The following PLS1 variants were observed in gnomAD, a reference collection of about 807,000 sequenced individuals.
The protein encoded by PLS1 is plastin-1.
In PLS1, 32 loss-of-function variants were observed where a neutral mutation model predicts 73.7. The observed-to-expected ratio is 0.43, with a 90% CI of 0.33 to 0.58. PLS1 has a LOEUF of 0.58. Among genes scored for constraint, PLS1 ranks in the 20% least tolerant of loss-of-function variants. PLS1 has a pLI of 0.04. For synonymous variants in PLS1, 217 were observed against 261.3 expected, an observed-to-expected ratio of 0.83 and a Z score of 1.63; for missense variants, 633 against 740.5, an observed-to-expected ratio of 0.85 and a Z score of 1.68.
chr3:142,704,482 T>C lies in PLS1; in HGVS notation c.1525T>C (p.Ser509Pro), dbSNP rs770308046. The part of the protein sequence containing the change: ...LMRRYTLNVL[S>P]DLGEGEKVND... ...TTGCAGGTACACATTGAATGTGTTA[T>C]CGGATCTTGGAGAGGGTGAAAAAGT... Residue 509 changes from serine to proline, a missense_variant, in exon 14 of 16, where the codon TCG becomes CCG. By Grantham distance (74) the Ser-to-Pro change is moderately conservative. Transcript: ENST00000457734. The C allele has an allele frequency of 6.2e-6, 10 of 1,603,720 alleles. No homozygotes were observed. Among genetic ancestry groups the C allele is most frequent in the South Asian group, 1.1e-5 (1 of 90,344 alleles).
intron 1 of PLS1, among the ~76,000 whole-genome samples, chr3:142,648,709 T>C (rs1214392279): frequency 6.6e-6 from 1 of 152,232 alleles, no homozygotes; most frequent in African/African-American, 2.4e-5. Flanking sequence ...TATCTGACCA[T>C]ATATAAAAAT....
At chr3:142,658,471 G>A (rs2037290258) in intron 1 of PLS1, among the ~76,000 whole-genome samples, 1 of 139,782 alleles carries the variant, frequency 7.2e-6, no homozygotes, top group South Asian at 2.2e-4. Flanking sequence ...GTGAGACTTT[G>A]TCTCCAAAAA....
intron 9 of PLS1, among the ~76,000 whole-genome samples, chr3:142,687,951 G>GTTT (rs35592296): frequency 5.1e-5 from 7 of 137,484 alleles, no homozygotes; most frequent in East Asian, 2.1e-4. Flanking sequence ...TTATTTGTTT[G>GTTT]TTTTTTTTTT....
intron 6 of PLS1, among the ~76,000 whole-genome samples, chr3:142,680,130 T>C (rs888081569): frequency 6.6e-6 from 1 of 152,212 alleles, no homozygotes; most frequent in Non-Finnish European, 1.5e-5. Flanking sequence ...TGCCACCCAA[T>C]ATAGATCACT....
At chr3:142,696,928 T>C (rs2038222356) in intron 11 of PLS1, among the ~76,000 whole-genome samples, 1 of 152,006 alleles carries the variant, frequency 6.6e-6, no homozygotes, top group Admixed American at 6.6e-5. Context: ...CATATCAGAC[T>C]TTCTCCCTCT....
In PLS1 at chr3:142,669,122, C is replaced by T. The variant is rs145554384; in HGVS notation, c.71-268C>T. 7.2e-3 allele frequency among the ~76,000 whole-genome samples: 1,101 copies of T among 152,266 alleles called. 8 individuals carry two copies. The highest frequency in any genetic ancestry group is 0.014 in the Middle Eastern group (4 of 294). On this transcript the variant is annotated intron_variant, in intron 2 of 15. Transcript: ENST00000457734. ...GGGGCAGTGGTGCGATCATAGCTCA[C>T]TACAGCCTCGAACTCCTGGGCTCAG...
At chr3:142,618,041 C>T (rs1403383366) in intron 1 of PLS1, among the ~76,000 whole-genome samples, 2 of 152,212 alleles carry the variant, frequency 1.3e-5, no homozygotes, top group East Asian at 1.9e-4. Flanking sequence ...TTTCAGTAAT[C>T]TCTGGGGCCC....
chr3:142,641,906 T>C (rs779958117), intron 1 of PLS1, among the ~76,000 whole-genome samples: 12 of 152,154 alleles, frequency 7.9e-5, no homozygotes, highest in Non-Finnish European at 1.2e-4. Flanking sequence ...CAGACAGGAC[T>C]GCCTCTTCCC....
chr3:142,671,161 T>C, intron 4 of PLS1, 39 bp downstream of exon 4: 2 of 1,536,598 alleles, frequency 1.3e-6, no homozygotes, highest in Middle Eastern at 1.7e-4. Flanking sequence ...TAGTCACTGA[T>C]TCATTGATTA....
intron 8 of PLS1, among the ~76,000 whole-genome samples, chr3:142,685,615 C>A (rs2037948057): frequency 6.6e-6 from 1 of 152,178 alleles, no homozygotes; most frequent in African/African-American, 2.4e-5. Context: ...TTCCTCACAG[C>A]ATGATAGTCT....
intron 1 of PLS1, among the ~76,000 whole-genome samples, chr3:142,600,910 A>ATT (rs1560024540): frequency 3.3e-4 from 8 of 24,432 alleles, no homozygotes; most frequent in African/African-American, 2.2e-3. Context: ...ATATATATAT[A>ATT]TATATATTTT....
intron 1 of PLS1, among the ~76,000 whole-genome samples, chr3:142,629,653 C>T (rs958062999): frequency 1.3e-5 from 2 of 152,222 alleles, no homozygotes; most frequent in Non-Finnish European, 2.9e-5. Flanking sequence ...AGACCAGGAA[C>T]AGTGCCAGTT....
chr3:142,631,983 AAT>A (rs2036575065), intron 1 of PLS1, among the ~76,000 whole-genome samples: 1 of 152,226 alleles, frequency 6.6e-6, no homozygotes, highest in African/African-American at 2.4e-5. Flanking sequence ...ATAAGAGGAT[AAT>A]ATCCAGAATA....
At chr3:142,639,038 G>A (rs1410419992) in intron 1 of PLS1, among the ~76,000 whole-genome samples, 1 of 152,062 alleles carries the variant, frequency 6.6e-6, no homozygotes, top group Non-Finnish European at 1.5e-5. Flanking sequence ...ACCACAGCTG[G>A]CCTATCTTTA....
intron 5 of PLS1, among the ~76,000 whole-genome samples, chr3:142,677,671 A>T (rs2037750808): frequency 6.6e-6 from 1 of 151,898 alleles, no homozygotes; most frequent in African/African-American, 2.4e-5. Flanking sequence ...CAGGATGGTT[A>T]AAAAAAATTA....
At chr3:142,702,903 T>C (rs2107952306) in intron 12 of PLS1, among the ~76,000 whole-genome samples, 1 of 152,238 alleles carries the variant, frequency 6.6e-6, no homozygotes, top group South Asian at 2.1e-4. Context: ...AAAATTTTTG[T>C]CCTTTAGAAG....
intron 1 of PLS1, among the ~76,000 whole-genome samples, chr3:142,602,055 A>G (rs557941645): frequency 2.0e-5 from 3 of 152,038 alleles, no homozygotes; most frequent in South Asian, 2.1e-4. Flanking sequence ...AACCACCAAC[A>G]TTCTTTGAGC....
intron 1 of PLS1, among the ~76,000 whole-genome samples, chr3:142,628,289 T>A (rs1454021188): frequency 6.6e-6 from 1 of 152,016 alleles, no homozygotes; most frequent in Middle Eastern, 3.2e-3. Flanking sequence ...TCTGTTTCCT[T>A]ATATGTGGAA....
At chr3:142,684,546 A>G in intron 8 of PLS1, 151 bp downstream of exon 8, 1 of 631,354 alleles carries the variant, frequency 1.6e-6, no homozygotes, top group Non-Finnish European at 2.7e-6. Flanking sequence ...AGATCCCCCA[A>G]TTATATTCAC....
Sources: allele counts gnomAD v4.1 joint callset (sites outside exome capture counted in the v4.1 genomes callset), GRCh38; gene constraint gnomAD v4.1.1; transcripts MANE v1.5; gene names NCBI Gene and HGNC (gene_info 2026-07-23, HGNC 2026-07-21).